Variants in ZNF454 observed in about 807,000 individuals in gnomAD.
The protein encoded by ZNF454 is zinc finger protein 454.
A neutral mutation model predicts 48.2 loss-of-function variants in ZNF454; 30 were observed. The ratio of observed to expected loss-of-function variants is 0.62; its 90% CI spans 0.47 to 0.84. ZNF454 has a LOEUF of 0.84. Ranked by LOEUF, ZNF454 falls within the 40% of genes least tolerant of loss-of-function variation. The pLI, the probability that ZNF454 is intolerant of heterozygous loss-of-function variation, is 0.00. For synonymous variants in ZNF454, 204 were observed against 211.4 expected (o/e 0.97, Z 0.30); for missense variants, 510 against 623.1 (o/e 0.82, Z 1.93).
chr5:178,981,454 G>A, the ZNF454 span: 3 of 585,902 alleles, frequency 5.1e-6, no homozygotes, highest in Admixed American at 3.0e-5. This position sits in a 1 kb window ranked among gnomAD's most constrained non-coding sequence, Gnocchi z 5.1. Context: ...TCTGTGGTGA[G>A]GAAGCATGAA....
chr5:178,964,951 T>C lies in ZNF454; in HGVS notation c.547T>C (p.Cys183Arg). 1 of 1,614,174 alleles carries C rather than the reference T, an allele frequency of 6.2e-7. No homozygotes were observed. Among genetic ancestry groups the C allele is most frequent in the Non-Finnish European group, 8.5e-7 (1 of 1,180,038 alleles). ...PSKNAFECSE[C>R]GKVFSKSSTL... ...CAAAAATGCCTTTGAGTGTAGTGAG[T>C]GTGGAAAAGTCTTCTCTAAGAGTTC... The change falls in exon 5 of 5, where the codon TGT (cysteine) becomes CGT (arginine). Residue 183 changes from cysteine (C) to arginine (R), a missense_variant. Cys to Arg is a radical substitution (Grantham distance 180). Around this residue, in one of 3 missense-constraint regions of ZNF454, gnomAD observed 354 missense variants for 408.9 expected, o/e 0.87. Coordinates refer to ENST00000519564, the MANE Select transcript of ZNF454 (RefSeq NM_001178089.3).
At chr5:178,985,471 A>G in the ZNF454 span, among the ~76,000 whole-genome samples, 2 of 151,624 alleles carry the variant, frequency 1.3e-5, no homozygotes, top group Non-Finnish European at 2.9e-5. Flanking sequence ...TGGGAGGCCG[A>G]GGTGGGCGGA....
the ZNF454 span, among the ~76,000 whole-genome samples, chr5:178,984,406 C>A: frequency 1.3e-5 from 2 of 152,148 alleles, no homozygotes; most frequent in Non-Finnish European, 2.9e-5. Context: ...TAAGTGCAGG[C>A]GAATTGAAGC....
the ZNF454 span, among the ~76,000 whole-genome samples, chr5:178,977,604 T>C: frequency 1.3e-5 from 2 of 151,988 alleles, no homozygotes; most frequent in Non-Finnish European, 2.9e-5. Flanking sequence ...GAGTTTTTCT[T>C]TGTTGCCCAG....
chr5:178,977,364 C>G, the ZNF454 span: 2 of 454,694 alleles, frequency 4.4e-6, no homozygotes, highest in African/African-American at 4.0e-5. Flanking sequence ...GAGGACACAG[C>G]AAGGGAGTGC....
At chr5:178,981,892 C>T in the ZNF454 span, 2 of 1,218,482 alleles carry the variant, frequency 1.6e-6, no homozygotes, top group Non-Finnish European at 1.2e-6. The surrounding 1 kb of genome is among the most constrained non-coding windows in gnomAD (Gnocchi z 5.1). Context: ...GGACTCAGCC[C>T]TGCTCTCCCT....
At chr5:178,957,111 T>C (rs1759798564) in intron 4 of ZNF454, among the ~76,000 whole-genome samples, 1 of 152,078 alleles carries the variant, frequency 6.6e-6, no homozygotes, top group African/African-American at 2.4e-5. Context: ...CTCGATCTCT[T>C]GACCTCGTGA....
At chr5:178,983,329 G>T in the ZNF454 span, 1 of 947,262 alleles carries the variant, frequency 1.1e-6, no homozygotes, top group Non-Finnish European at 1.7e-6. Flanking sequence ...TCTGGCCTAT[G>T]GAGGGGATGC....
At chr5:178,951,160 A>G (rs1016149652) in intron 4 of ZNF454, among the ~76,000 whole-genome samples, 1 of 152,134 alleles carries the variant, frequency 6.6e-6, no homozygotes, top group African/African-American at 2.4e-5. Flanking sequence ...ACCCGGCCTT[A>G]AAGAACTGTT....
the ZNF454 span, chr5:178,977,298 G>A: frequency 5.4e-6 from 2 of 367,442 alleles, no homozygotes; most frequent in Non-Finnish European, 1.1e-5. Flanking sequence ...CCTCGGGAAT[G>A]GGATTAGAGC....
chr5:178,987,546 A>G, the ZNF454 span: 1 of 430,134 alleles, frequency 2.3e-6, no homozygotes, highest in East Asian at 7.1e-5. Context: ...GCTCGGTGAA[A>G]CAAGCCAGTC....
chr5:178,985,900 T>A, the ZNF454 span: 1 of 578,092 alleles, frequency 1.7e-6, no homozygotes. Context: ...TAGCTAGGAC[T>A]ACAGGCACGC....
At position 178,944,326 on chromosome 5, in the gene ZNF454, G is replaced by C. The variant is rs1343518031; in HGVS notation, c.33+1502G>C. On this transcript the variant is annotated intron_variant, in intron 2 of 4. Coordinates refer to ENST00000519564, the MANE Select transcript of ZNF454 (RefSeq NM_001178089.3). This position sits in a 1 kb window ranked among gnomAD's most constrained non-coding sequence, Gnocchi z 4.1. ...AAACCTGTCCGCACCCACAGTGCCAGTCTACTGTGATATTTTCCTTCCTTA... is the reference window on the plus strand; with the variant it reads ...AAACCTGTCCGCACCCACAGTGCCACTCTACTGTGATATTTTCCTTCCTTA... 6.6e-6 allele frequency among the ~76,000 whole-genome samples: 1 copy of C among 152,190 alleles called. No individual in the cohort carries two copies. The highest frequency in any genetic ancestry group is 1.5e-5 in the Non-Finnish European group (1 of 68,042).
At chr5:178,987,765 A>G in the ZNF454 span, among the ~76,000 whole-genome samples, 1 of 151,856 alleles carries the variant, frequency 6.6e-6, no homozygotes, top group Non-Finnish European at 1.5e-5. Flanking sequence ...TTTATTATTT[A>G]TTTATTTATT....
intron 4 of ZNF454, among the ~76,000 whole-genome samples, chr5:178,950,727 T>C (rs540698467): frequency 6.6e-6 from 1 of 152,208 alleles, no homozygotes; most frequent in Admixed American, 6.5e-5. Flanking sequence ...TTTTGAGTTA[T>C]AAAATGTATT....
the ZNF454 span, chr5:178,981,754 T>C: frequency 6.2e-7 from 1 of 1,613,600 alleles, no homozygotes. The surrounding 1 kb of genome is among the most constrained non-coding windows in gnomAD (Gnocchi z 5.1). Context: ...CTGCTCTGGA[T>C]GGAAGAGGAT....
At chr5:178,989,177 G>T in the ZNF454 span, 2 of 1,598,714 alleles carry the variant, frequency 1.3e-6, no homozygotes, top group South Asian at 2.2e-5. Flanking sequence ...CGGCCCCCAT[G>T]CACCGAACCC....
At chr5:178,961,800 A>G (rs1257572017) in intron 4 of ZNF454, among the ~76,000 whole-genome samples, 2 of 150,120 alleles carry the variant, frequency 1.3e-5, no homozygotes, top group Admixed American at 6.7e-5. Context: ...CCTGGGCAAC[A>G]GAGCGAGACT....
chr5:178,946,839 T>C lies in ZNF454; in HGVS notation c.161-58T>C. On this transcript the variant is annotated intron_variant, in intron 3 of 4. Coordinates refer to ENST00000519564, the MANE Select transcript of ZNF454 (RefSeq NM_001178089.3). This position sits in a 1 kb window ranked among gnomAD's most constrained non-coding sequence, Gnocchi z 4.5. ...TGAGGACCAGGCTTTGTCTTTGCAG[T>C]GATTTTTATCTCTCGTATAAACAGA... 6.7e-7 allele frequency: 1 copy of C among 1,495,860 alleles called. No homozygotes were observed. The highest frequency in any genetic ancestry group is 1.2e-5 in the South Asian group (1 of 85,824). 92.7% of individuals were successfully genotyped at this position (1,495,860 alleles called of 1,614,324 possible). A position where few individuals can be genotyped will look rare whatever the true frequency, so the allele number is the denominator to read the frequency against.
Sources: gnomAD v4.1 joint callset for allele counts (sites outside exome capture counted in the v4.1 genomes callset) on GRCh38, gnomAD v4.1.1 for gene constraint, gnomAD v4.1.1 regional missense constraint, Gnocchi (gnomAD v3.1) non-coding constraint, MANE v1.5 for transcripts, NCBI Gene and HGNC (gene_info 2026-07-23, HGNC 2026-07-21) for gene names.